Variants in PRKG1 observed in about 807,000 individuals in gnomAD.
PRKG1 encodes the protein cGMP-dependent protein kinase 1.
PRKG1 carries 35 observed loss-of-function variants against 88.1 expected under a neutral mutation model. The ratio of observed to expected loss-of-function variants is 0.40; its 90% confidence interval spans 0.30 to 0.53. The LOEUF is 0.53. Ranked by LOEUF, PRKG1 falls within the 20% of genes least tolerant of loss-of-function variation. The pLI, the probability that PRKG1 is intolerant of heterozygous loss-of-function variation, is 0.59. For missense variants in PRKG1, 540 were observed against 839.8 expected (o/e 0.64, Z 4.41); for synonymous variants, 303 against 292.5 (o/e 1.04, Z -0.37).
intron 8 of PRKG1, among the ~76,000 whole-genome samples, chr10:52,145,036 G>A (rs901528759): frequency 1.3e-5 from 2 of 152,172 alleles, no homozygotes; most frequent in African/African-American, 4.8e-5. Flanking sequence ...TACGGATATT[G>A]CAAGCTCAGG....
chr10:51,628,974 A>AAAC (rs71029388), intron 3 of PRKG1, among the ~76,000 whole-genome samples: 68,238 of 141,688 alleles, frequency 0.48, 17,606 homozygotes, highest in East Asian at 0.71. Context: ...TCAAAAAAAA[A>AAAC]AAAAACAAAA....
At chr10:51,872,733 C>T (rs1721534994) in intron 4 of PRKG1, among the ~76,000 whole-genome samples, 1 of 151,890 alleles carries the variant, frequency 6.6e-6, no homozygotes, top group South Asian at 2.1e-4. Context: ...CATTGTATTC[C>T]TCACAGCAAC....
intron 2 of PRKG1, among the ~76,000 whole-genome samples, chr10:51,253,093 C>A (rs1473507899): frequency 1.3e-5 from 2 of 151,774 alleles, no homozygotes; most frequent in Admixed American, 6.6e-5. Context: ...GTTTTCAATT[C>A]ATCGGAGAGC....
Position 51,498,672 on chromosome 10 carries a change from A to G in PRKG1, c.592+30836A>G, listed in dbSNP as rs561068582. ...TATAATCCCTGAGTAAATAACATACATAAGTGAAGCAAGTTTTTTGTCCCT... is the reference window on the plus strand; with the variant it reads ...TATAATCCCTGAGTAAATAACATACGTAAGTGAAGCAAGTTTTTTGTCCCT... On this transcript the variant is annotated intron_variant, in intron 3 of 17. Coordinates refer to ENST00000373980, the MANE Select transcript of PRKG1 (RefSeq NM_006258.4). 7.2e-5 allele frequency among the ~76,000 whole-genome samples: 11 copies of G among 152,312 alleles called. No homozygotes were observed. The East Asian group carries it at 2.1e-3, about 29-fold the overall frequency.
intron 1 of PRKG1, among the ~76,000 whole-genome samples, chr10:51,004,693 A>G (rs2061905784): frequency 6.6e-6 from 1 of 152,026 alleles, no homozygotes; most frequent in South Asian, 2.1e-4. Flanking sequence ...TATAAAGTCC[A>G]TATTGTGCAC....
intron 7 of PRKG1, among the ~76,000 whole-genome samples, chr10:52,129,915 G>A (rs1837210270): frequency 6.6e-6 from 1 of 152,108 alleles, no homozygotes; most frequent in Non-Finnish European, 1.5e-5. Context: ...AAGCATATAA[G>A]CAGCCTACTG....
intron 3 of PRKG1, chr10:51,697,316 A>G (rs1188209623): frequency 5.5e-6 from 1 of 180,410 alleles, no homozygotes; most frequent in Non-Finnish European, 1.2e-5. Flanking sequence ...ATCTTAGTAC[A>G]TTAACGTTTT....
chr10:51,349,064 G>A (rs947331491), intron 2 of PRKG1, among the ~76,000 whole-genome samples: 1 of 152,052 alleles, frequency 6.6e-6, no homozygotes, highest in African/African-American at 2.4e-5. Flanking sequence ...AAGTGTTGTC[G>A]TCATCTTCCA....
intron 2 of PRKG1, among the ~76,000 whole-genome samples, chr10:51,361,490 A>G (rs1279774561): frequency 6.6e-6 from 1 of 151,908 alleles, no homozygotes; most frequent in African/African-American, 2.4e-5. Flanking sequence ...GGTCTACGTA[A>G]TTCATTAAAT....
chr10:51,921,717 T>C (rs1842467106), intron 5 of PRKG1, among the ~76,000 whole-genome samples: 2 of 152,082 alleles, frequency 1.3e-5, no homozygotes, highest in African/African-American at 4.8e-5. Flanking sequence ...ATTACAGTAA[T>C]TGATTTTTGA....
chr10:51,734,647 TC>T (rs1215991476), intron 3 of PRKG1, among the ~76,000 whole-genome samples: 4 of 152,126 alleles, frequency 2.6e-5, no homozygotes, highest in Non-Finnish European at 4.4e-5. Context: ...TAAAGAACCC[TC>T]CAATTTTTCA....
intron 5 of PRKG1, among the ~76,000 whole-genome samples, chr10:51,965,281 G>A (rs1843540808): frequency 6.6e-6 from 1 of 151,996 alleles, no homozygotes; most frequent in Non-Finnish European, 1.5e-5. Flanking sequence ...TCCTCACTAT[G>A]TGTCCATGTG....
At chr10:51,325,410 G>A (rs191850911) in intron 2 of PRKG1, among the ~76,000 whole-genome samples, 1 of 152,198 alleles carries the variant, frequency 6.6e-6, no homozygotes, top group Non-Finnish European at 1.5e-5. Context: ...TGTTGGCCAG[G>A]CTGGTCTCGA....
At chr10:52,035,256 G>C (rs888399757) in intron 5 of PRKG1, among the ~76,000 whole-genome samples, 3 of 152,082 alleles carry the variant, frequency 2.0e-5, no homozygotes, top group Admixed American at 6.5e-5. Context: ...CTGACTCAGG[G>C]CATGTTGAGT....
At chr10:51,971,472 G>A (rs1843712537) in intron 5 of PRKG1, among the ~76,000 whole-genome samples, 1 of 151,816 alleles carries the variant, frequency 6.6e-6, no homozygotes, top group African/African-American at 2.4e-5. Flanking sequence ...TTAGAAAATC[G>A]ATTTGAAGTA....
At chr10:51,050,104 G>C (rs1273773026) in intron 1 of PRKG1, among the ~76,000 whole-genome samples, 1 of 151,820 alleles carries the variant, frequency 6.6e-6, no homozygotes, top group Non-Finnish European at 1.5e-5. Context: ...CAAAAGAATA[G>C]TCTTCTACAT....
intron 2 of PRKG1, among the ~76,000 whole-genome samples, chr10:51,276,416 A>G (rs961802371): frequency 1.3e-5 from 2 of 152,210 alleles, no homozygotes; most frequent in African/African-American, 4.8e-5. Context: ...ATAGTGCCGC[A>G]ATAAACATAC....
chr10:51,788,046 TCA>T (rs1355599537), intron 3 of PRKG1, among the ~76,000 whole-genome samples: 1 of 152,178 alleles, frequency 6.6e-6, no homozygotes, highest in Non-Finnish European at 1.5e-5. Context: ...TGTTGTACAC[TCA>T]CAATTGGTGC....
chr10:51,930,265 T>G (rs867646656), intron 5 of PRKG1, among the ~76,000 whole-genome samples: 1 of 152,076 alleles, frequency 6.6e-6, no homozygotes, highest in Non-Finnish European at 1.5e-5. Flanking sequence ...GTTTAATCAA[T>G]AGAGAGTTTC....
Sources: allele counts gnomAD v4.1 joint callset (sites outside exome capture counted in the v4.1 genomes callset), GRCh38; gene constraint gnomAD v4.1.1; transcripts MANE v1.5; gene names NCBI Gene and HGNC (gene_info 2026-07-23, HGNC 2026-07-21).